PARVA: variants seen among roughly 807,000 people sequenced by gnomAD.
PARVA encodes the protein parvin alpha.
In PARVA, 25 loss-of-function variants were observed where a neutral mutation model predicts 52.6. That is an observed-to-expected ratio of 0.48 (90% CI 0.35 to 0.66). The LOEUF is 0.66. Among genes scored for constraint, PARVA ranks in the 30% least tolerant of loss-of-function variants. The pLI, the probability that PARVA is intolerant of heterozygous loss-of-function variation, is 0.01. For missense variants in PARVA, 373 were observed against 450.9 expected, an observed-to-expected ratio of 0.83 and a Z score of 1.56; for synonymous variants, 185 against 179.1, an observed-to-expected ratio of 1.03 and a Z score of -0.26.
intron 10 of PARVA, among the ~76,000 whole-genome samples, 176 bp downstream of exon 10, chr11:12,514,241 T>G (rs1941540832): frequency 6.6e-6 from 1 of 152,172 alleles, no homozygotes; most frequent in Non-Finnish European, 1.5e-5. Context: ...CAACTTTTTA[T>G]TATGAAAATT....
rs186544751 is a variant in PARVA, at chr11:12,516,591, C to T, written c.868-1019C>T. Among the ~76,000 whole-genome samples, 109 of 152,326 alleles carry T rather than the reference C, an allele frequency of 7.2e-4. 1 individual carries two copies. In the East Asian group the frequency reaches 9.4e-3, roughly 13 times the overall value. ...TGGCCTCTTCTGCCTAGGAAGGGAC[C>T]GGGCTGCAAGCCTCCTGCCAGGGCC... On this transcript the variant is annotated intron_variant, in intron 10 of 12. Transcript: ENST00000334956.
intron 1 of PARVA, among the ~76,000 whole-genome samples, chr11:12,445,726 C>T (rs954948344): frequency 1.3e-4 from 20 of 152,032 alleles, no homozygotes; most frequent in Non-Finnish European, 2.8e-4. Context: ...CTGAAAAAAG[C>T]GGGACGTTTA....
At chr11:12,422,698 CTT>C (rs1940168634) in intron 1 of PARVA, among the ~76,000 whole-genome samples, 2 of 152,126 alleles carry the variant, frequency 1.3e-5, no homozygotes, top group African/African-American at 4.8e-5. Flanking sequence ...CCCCTTTACT[CTT>C]TAGCCATTTG....
chr11:12,407,830 G>A (rs1201396420), intron 1 of PARVA, among the ~76,000 whole-genome samples: 1 of 152,198 alleles, frequency 6.6e-6, no homozygotes, highest in Non-Finnish European at 1.5e-5. Flanking sequence ...TTTGTGATTG[G>A]AGGCCTTTTT....
At chr11:12,504,239 C>A in intron 5 of PARVA, 75 bp from the exon 6 acceptor site, 1 of 801,842 alleles carries the variant, frequency 1.2e-6, no homozygotes, top group Admixed American at 2.0e-5. Context: ...GGTACTACTA[C>A]ACTTTGAACA....
At chr11:12,408,330 A>AC (rs1307784908) in intron 1 of PARVA, among the ~76,000 whole-genome samples, 2 of 152,104 alleles carry the variant, frequency 1.3e-5, no homozygotes, top group East Asian at 1.9e-4. Flanking sequence ...TGTGGTGAGC[A>AC]CATCCTCTCC....
chr11:12,472,797 C>A (rs978177449), intron 1 of PARVA, among the ~76,000 whole-genome samples: 1 of 152,142 alleles, frequency 6.6e-6, no homozygotes, highest in Non-Finnish European at 1.5e-5. Context: ...GAGAAAATGG[C>A]CTTTCTGTGC....
intron 1 of PARVA, among the ~76,000 whole-genome samples, chr11:12,382,120 A>G (rs1589935060): frequency 6.6e-6 from 1 of 152,222 alleles, no homozygotes; most frequent in East Asian, 1.9e-4. Flanking sequence ...CACAATAGCA[A>G]CAGGAGGTAG....
chr11:12,441,176 G>T (rs1207020864), intron 1 of PARVA, among the ~76,000 whole-genome samples: 1 of 152,204 alleles, frequency 6.6e-6, no homozygotes, highest in Non-Finnish European at 1.5e-5. Flanking sequence ...GGGGGTGGAG[G>T]TGGGGCTGAA....
chr11:12,496,360 A>ATGAGTGCATGCATGCG, intron 4 of PARVA, 98 bp from the exon 5 acceptor site: 1 of 1,261,114 alleles, frequency 7.9e-7, no homozygotes, highest in Non-Finnish European at 1.1e-6. Flanking sequence ...GCATGCATGC[A>ATGAGTGCATGCATGCG]TGAGTGCATG....
chr11:12,466,349 C>T (rs1940854514), intron 1 of PARVA, among the ~76,000 whole-genome samples: 3 of 151,416 alleles, frequency 2.0e-5, no homozygotes, highest in African/African-American at 7.3e-5. Context: ...CTCTGTTGCC[C>T]AGGCTGGAGT....
At chr11:12,391,647 C>G (rs1939660891) in intron 1 of PARVA, among the ~76,000 whole-genome samples, 1 of 152,232 alleles carries the variant, frequency 6.6e-6, no homozygotes, top group African/African-American at 2.4e-5. Context: ...AGCTACACTT[C>G]CAGCCATGAC....
chr11:12,521,521 T>A (rs1199524137), intron 12 of PARVA, among the ~76,000 whole-genome samples: 1 of 152,192 alleles, frequency 6.6e-6, no homozygotes, highest in East Asian at 1.9e-4. Context: ...TATAAAATAA[T>A]GTGGTAGACA....
At chr11:12,496,432 G>T (rs774695407) in intron 4 of PARVA, 26 bp from the exon 5 acceptor site, 1 of 1,598,972 alleles carries the variant, frequency 6.3e-7, no homozygotes, top group Non-Finnish European at 8.5e-7. Flanking sequence ...CATAACAGCT[G>T]TTCTCTTTTC....
At chr11:12,465,522 T>G (rs2135027957) in intron 1 of PARVA, among the ~76,000 whole-genome samples, 1 of 152,364 alleles carries the variant, frequency 6.6e-6, no homozygotes, top group South Asian at 2.1e-4. Context: ...GCCTTAAAAA[T>G]CTTCTGTACT....
At chr11:12,432,717 AT>A (rs1940331986) in intron 1 of PARVA, among the ~76,000 whole-genome samples, 1 of 152,182 alleles carries the variant, frequency 6.6e-6, no homozygotes, top group Non-Finnish European at 1.5e-5. Flanking sequence ...CTCTTGCGTC[AT>A]TTTTTTCTGT....
chr11:12,387,920 T>A (rs1394300158), intron 1 of PARVA, among the ~76,000 whole-genome samples: 1 of 152,136 alleles, frequency 6.6e-6, no homozygotes, highest in African/African-American at 2.4e-5. Context: ...TTAGGAGAGA[T>A]AAGAGACTTA....
At chr11:12,476,867 CA>C (rs1165157540) in intron 3 of PARVA, among the ~76,000 whole-genome samples, 1 of 152,174 alleles carries the variant, frequency 6.6e-6, no homozygotes, top group Non-Finnish European at 1.5e-5. Flanking sequence ...ATAAAGGCAG[CA>C]TACTTATGCT....
chr11:12,531,382 A>T lies in PARVA; in HGVS notation c.*3457A>T, dbSNP rs1259548068. The stretch of plus-strand genomic sequence containing the variant: ...TTGCTTGGTTAACCCTACAGAGTAT[A>T]CTTGAAGCTTATTTGCATCAACAGT... On this transcript the variant is annotated 3_prime_UTR_variant, in exon 13 of 13. Coordinates refer to ENST00000334956, the MANE Select transcript of PARVA (RefSeq NM_018222.5). Among the ~76,000 whole-genome samples the T allele has an allele frequency of 2.6e-5, 4 of 152,190 alleles. No individual in the cohort carries two copies. The highest frequency in any genetic ancestry group is 9.7e-5 in the African/African-American group (4 of 41,438).
Sources: gnomAD v4.1 joint callset for allele counts (sites outside exome capture counted in the v4.1 genomes callset) on GRCh38, gnomAD v4.1.1 for gene constraint, MANE v1.5 for transcripts, NCBI Gene and HGNC (gene_info 2026-07-23, HGNC 2026-07-21) for gene names.